The following IGSF10 variants were observed in gnomAD, a reference collection of about 807,000 sequenced individuals.
IGSF10 encodes the protein immunoglobulin superfamily member 10.
A neutral mutation model predicts 128.2 loss-of-function variants in IGSF10; 126 were observed. The ratio of observed to expected loss-of-function variants is 0.98; its 90% CI spans 0.85 to 1.14. The LOEUF is 1.14. Among genes scored for constraint, IGSF10 ranks in the 50% most tolerant of loss-of-function variants. IGSF10 has a pLI of 0.00. For missense variants in IGSF10, 3,295 were observed against 3,149.8 expected (o/e 1.05, Z -1.10); for synonymous variants, 1,185 against 1,146.2 (o/e 1.03, Z -0.68).
the IGSF10 span, among the ~76,000 whole-genome samples, chr3:151,611,101 G>T: frequency 2.6e-5 from 4 of 152,158 alleles, no homozygotes; most frequent in Admixed American, 6.6e-5. Flanking sequence ...AATATTAAAT[G>T]ATTGTTGTTG....
the IGSF10 span, among the ~76,000 whole-genome samples, chr3:151,617,601 T>C: frequency 6.6e-6 from 1 of 152,122 alleles, no homozygotes; most frequent in Middle Eastern, 3.4e-3. Context: ...CTTTGAACTT[T>C]TGAGTTGGTG....
At chr3:151,571,378 T>G in the IGSF10 span, among the ~76,000 whole-genome samples, 20 of 152,328 alleles carry the variant, frequency 1.3e-4, no homozygotes, top group African/African-American at 4.8e-4. Flanking sequence ...TTCCATTTGT[T>G]TGTGTCCTCT....
chr3:151,486,887 G>C, the IGSF10 span, among the ~76,000 whole-genome samples: 43,845 of 152,120 alleles, frequency 0.29, 6,981 homozygotes, highest in Middle Eastern at 0.38. Context: ...AAGCATGAAA[G>C]TTCTAAAATT....
At chr3:151,542,118 A>G in the IGSF10 span, among the ~76,000 whole-genome samples, 1 of 152,168 alleles carries the variant, frequency 6.6e-6, no homozygotes. Flanking sequence ...AATGACTTTC[A>G]GGTACTCCAG....
chr3:151,568,057 C>T, the IGSF10 span, among the ~76,000 whole-genome samples: 1 of 152,230 alleles, frequency 6.6e-6, no homozygotes, highest in South Asian at 2.1e-4. Context: ...CTTTGGGTAC[C>T]TACTAGTTTA....
In IGSF10 at chr3:151,443,739, G is replaced by A. The variant is rs1721008381; in HGVS notation, c.5208C>T (p.Val1736=). The stretch of plus-strand genomic sequence containing the variant: ...GAGGATAGGAAACCACAGACAAGGT[G>A]ACATGAAGGTGGTCTGTGCCAAACA... The part of the protein sequence containing the change: ...SNLFGTDHLH[V]TLSVVSYPPR... Residue 1736 remains valine (V), a synonymous_variant, in exon 7 of 8, where the codon GTC becomes GTT. Transcript: ENST00000282466. The A allele has an allele frequency of 6.2e-7, 1 of 1,614,066 alleles. No individual in the cohort carries two copies. The highest frequency in any genetic ancestry group is 8.5e-7 in the Non-Finnish European group (1 of 1,180,044).
chr3:151,583,243 A>G, the IGSF10 span, among the ~76,000 whole-genome samples: 89 of 150,684 alleles, frequency 5.9e-4, no homozygotes, highest in African/African-American at 2.0e-3. Flanking sequence ...CTTGGGTTTA[A>G]TTTGTTATCT....
the IGSF10 span, among the ~76,000 whole-genome samples, chr3:151,615,941 T>G: frequency 3.3e-5 from 5 of 151,380 alleles, no homozygotes; most frequent in African/African-American, 7.3e-5. Context: ...TTTTTGTTTG[T>G]TTGGTTGGTT....
At chr3:151,468,725 GTTGT>G in the IGSF10 span, among the ~76,000 whole-genome samples, 1 of 152,172 alleles carries the variant, frequency 6.6e-6, no homozygotes, top group African/African-American at 2.4e-5. Flanking sequence ...TTTTGTGAGG[GTTGT>G]TTGTATTTTT....
chr3:151,463,523 G>GTTTTTTTTTTTTGTTTTTTTTTGTTT (rs1553837067), upstream of IGSF10, among the ~76,000 whole-genome samples: 2 of 31,272 alleles, frequency 6.4e-5, no homozygotes, highest in Non-Finnish European at 6.5e-5. Context: ...ACATTTTCTG[G>GTTTTTTTTTTTTGTTTTTTTTTGTTT]TTTTTTTTTT....
At chr3:151,525,810 T>C in the IGSF10 span, among the ~76,000 whole-genome samples, 1 of 152,140 alleles carries the variant, frequency 6.6e-6, no homozygotes, top group African/African-American at 2.4e-5. Flanking sequence ...CCAGGGATAA[T>C]CTCCCTTCCG....
At chr3:151,474,866 A>C in the IGSF10 span, among the ~76,000 whole-genome samples, 2,011 of 152,294 alleles carry the variant, frequency 0.013, 18 homozygotes, top group South Asian at 0.031. Flanking sequence ...CAAAACCACC[A>C]GATCTTGTGA....
chr3:151,617,493 C>A, the IGSF10 span, among the ~76,000 whole-genome samples: 60 of 151,438 alleles, frequency 4.0e-4, no homozygotes, highest in African/African-American at 1.3e-3. Context: ...AAGTAGATAA[C>A]TTGTTTAATT....
chr3:151,532,042 A>G, the IGSF10 span, among the ~76,000 whole-genome samples: 1 of 152,218 alleles, frequency 6.6e-6, no homozygotes, highest in East Asian at 1.9e-4. Flanking sequence ...AAAGAATACT[A>G]TAAACACCTC....
the IGSF10 span, among the ~76,000 whole-genome samples, chr3:151,545,653 A>G: frequency 1.3e-5 from 2 of 152,168 alleles, no homozygotes; most frequent in South Asian, 4.1e-4. Flanking sequence ...TTGCTTTGTC[A>G]AGAACCGGCC....
the IGSF10 span, among the ~76,000 whole-genome samples, chr3:151,518,977 T>C: frequency 6.6e-6 from 1 of 151,934 alleles, no homozygotes. Flanking sequence ...GTGCTAGCTA[T>C]CTTTGACAGC....
chr3:151,610,337 G>A, the IGSF10 span, among the ~76,000 whole-genome samples: 12 of 152,212 alleles, frequency 7.9e-5, no homozygotes, highest in South Asian at 8.3e-4. Context: ...ATAGGCCACC[G>A]GTTTTCCTTG....
At chr3:151,521,480 T>C in the IGSF10 span, among the ~76,000 whole-genome samples, 18 of 151,898 alleles carry the variant, frequency 1.2e-4, no homozygotes, top group Admixed American at 9.2e-4. Context: ...CCTCAGCAAA[T>C]GCAATAGAAT....
chr3:151,582,549 T>C, the IGSF10 span, among the ~76,000 whole-genome samples: 1 of 152,152 alleles, frequency 6.6e-6, no homozygotes, highest in Non-Finnish European at 1.5e-5. Flanking sequence ...ATTTGTGAGA[T>C]TGATTTATGC....
Sources: gnomAD v4.1 joint callset for allele counts (sites outside exome capture counted in the v4.1 genomes callset) on GRCh38, gnomAD v4.1.1 for gene constraint, MANE v1.5 for transcripts, NCBI Gene and HGNC (gene_info 2026-07-23, HGNC 2026-07-21) for gene names.